The following TRIM67 variants were observed in gnomAD, a reference collection of about 807,000 sequenced individuals.
TRIM67 encodes tripartite motif-containing protein 67.
In TRIM67, 39 loss-of-function variants were observed where a neutral mutation model predicts 71.0. That is an observed-to-expected ratio of 0.55 (90% CI 0.43 to 0.72). The LOEUF is 0.72. TRIM67 is among the 30% of genes least tolerant of loss of function. The probability of loss-of-function intolerance (pLI) is 0.00; values close to 1 mark genes in which losing one functional copy is unlikely to be tolerated. For synonymous variants in TRIM67, 481 were observed against 473.9 expected, an observed-to-expected ratio of 1.01 and a Z score of -0.19; for missense variants, 973 against 1,079.2, an observed-to-expected ratio of 0.90 and a Z score of 1.38.
rs1684024140 is a variant in TRIM67, at chr1:231,216,743, C to T, written c.*1303C>T. 1 of 985,362 alleles carries T rather than the reference C, an allele frequency of 1.0e-6. No individual in the cohort carries two copies. Among genetic ancestry groups the T allele is most frequent in the Non-Finnish European group, 1.2e-6 (1 of 829,966 alleles). 61.0% of individuals were successfully genotyped at this position (985,362 alleles called of 1,614,324 possible). A position where few individuals can be genotyped will look rare whatever the true frequency, so the allele number is the denominator to read the frequency against. On this transcript the variant is annotated 3_prime_UTR_variant, in exon 10 of 10. Coordinates refer to ENST00000366653, the MANE Select transcript of TRIM67 (RefSeq NM_001004342.5). ...CTGCCAGGGCAGGACTCTGGAAACA[C>T]CAGGCTTCTCCCTTGAGATCCACAT...
intron 6 of TRIM67, among the ~76,000 whole-genome samples, chr1:231,205,987 A>C (rs1571899808): frequency 6.6e-6 from 1 of 152,070 alleles, no homozygotes; most frequent in Non-Finnish European, 1.5e-5. Flanking sequence ...CCTCACCAGG[A>C]CCCCATCACG....
At chr1:231,213,046 A>G (rs1436253725) in intron 8 of TRIM67, among the ~76,000 whole-genome samples, 1 of 152,150 alleles carries the variant, frequency 6.6e-6, no homozygotes, top group Non-Finnish European at 1.5e-5. Context: ...AGATGAGCCA[A>G]TGTTGAGTAG....
rs190472002 is a variant in TRIM67, at chr1:231,188,845, T to G, written c.1045-8526T>G. On this transcript the variant is annotated intron_variant, in intron 1 of 9. Transcript: ENST00000366653. The stretch of plus-strand genomic sequence containing the variant: ...GGAAGTCACCAGTTGCTACTGATCC[T>G]GTCCCACCTCAGGAGAGGAGAGGCC... Among the ~76,000 whole-genome samples, 6 of 152,354 alleles carry G rather than the reference T, an allele frequency of 3.9e-5. No individual in the cohort carries two copies. In the East Asian group the frequency reaches 1.2e-3, roughly 29 times the overall value.
At chr1:231,197,562 A>G (rs568983228) in intron 2 of TRIM67, 96 bp downstream of exon 2, 7 of 1,162,274 alleles carry the variant, frequency 6.0e-6, no homozygotes, top group African/African-American at 4.6e-5. Context: ...ACGGTGGCTC[A>G]CACCTGTAAT....
intron 1 of TRIM67, among the ~76,000 whole-genome samples, chr1:231,186,635 T>C (rs1366877985): frequency 1.3e-5 from 2 of 152,132 alleles, no homozygotes; most frequent in Non-Finnish European, 2.9e-5. Context: ...AGGACACCAG[T>C]CCTGCTGGAT....
chr1:231,192,088 C>T (rs572895198), intron 1 of TRIM67, among the ~76,000 whole-genome samples: 15 of 152,188 alleles, frequency 9.9e-5, no homozygotes, highest in Non-Finnish European at 1.9e-4. Flanking sequence ...GCAGGAGGAT[C>T]GCTTGAGGCC....
chr1:231,166,663 A>C (rs895671473), intron 1 of TRIM67, among the ~76,000 whole-genome samples: 2 of 152,234 alleles, frequency 1.3e-5, no homozygotes, highest in African/African-American at 4.8e-5. Flanking sequence ...CCATCATCAA[A>C]GCCTTGCTTT....
rs558749142 is a variant in TRIM67 at position 231,190,704 on chromosome 1, C to T, written c.1045-6667C>T. On this transcript the variant is annotated intron_variant, in intron 1 of 9. Coordinates refer to ENST00000366653, the MANE Select transcript of TRIM67 (RefSeq NM_001004342.5). Reference sequence around the variant, plus strand: ...CCTCATGCTGCATGGAGCAAAGTCTCTGTGGCCTGGATCCTCAGGGCGGGG... The same window carrying T: ...CCTCATGCTGCATGGAGCAAAGTCTTTGTGGCCTGGATCCTCAGGGCGGGG... 6.6e-5 allele frequency among the ~76,000 whole-genome samples: 10 copies of T among 152,314 alleles called. No homozygotes were observed. The South Asian group carries it at 2.1e-3, about 32-fold the overall frequency.
In TRIM67 at chr1:231,203,949, C is replaced by A. The variant is rs199501071; in HGVS notation, c.1617C>A (p.Phe539Leu). The A allele has an allele frequency of 2.5e-6, 4 of 1,614,000 alleles. No homozygotes were observed. The African/African-American group carries it at 5.3e-5, about 21-fold the overall frequency. ...SVTLAWRMPP[F>L]THSPVDGYIL... ...CGCTGGCCTGGAGGATGCCACCCTT[C>A]ACCCACAGCCCCGTGGACGGCTACA... The change falls in exon 6 of 10, where the codon TTC (phenylalanine) becomes TTA (leucine). Residue 539 changes from phenylalanine to leucine, a missense_variant. Around this residue, in one of 2 missense-constraint regions of TRIM67, gnomAD observed 795 missense variants for 831.3 expected, o/e 0.96. Transcript: ENST00000366653.
Position 231,162,855 on chromosome 1 carries a change from T to A in TRIM67, c.-115T>A, listed in dbSNP as rs1682325338. 1 of 1,393,568 alleles carries A rather than the reference T, an allele frequency of 7.2e-7. No homozygotes were observed. The highest frequency in any genetic ancestry group is 9.6e-7 in the Non-Finnish European group (1 of 1,037,578). The allele number at this position is 1,393,568 out of a possible 1,614,324, so 86.3% of individuals were successfully genotyped here. A position where few individuals can be genotyped will look rare whatever the true frequency, so the allele number is the denominator to read the frequency against. On this transcript the variant is annotated 5_prime_UTR_variant, in exon 1 of 10. It removes the in-frame stop codon of an upstream open reading frame in the 5' UTR. Coordinates refer to ENST00000366653, the MANE Select transcript of TRIM67 (RefSeq NM_001004342.5). ...CGGCTGTGAAGTGGGCATGCCCGTG[T>A]GATGCCCCCGCCCGTCGTCTCACCG...
chr1:231,167,047 C>T (rs1406799972), intron 1 of TRIM67, among the ~76,000 whole-genome samples: 2 of 152,166 alleles, frequency 1.3e-5, no homozygotes, highest in African/African-American at 4.8e-5. Context: ...TCAGGGAGAA[C>T]TCTGACCTGC....
chr1:231,177,901 G>A (rs1028498797), intron 1 of TRIM67, among the ~76,000 whole-genome samples: 3 of 152,148 alleles, frequency 2.0e-5, no homozygotes, highest in African/African-American at 7.2e-5. Flanking sequence ...TAAATGAATA[G>A]GACTTAACAC....
chr1:231,215,427 T>C lies in TRIM67; in HGVS notation c.2339T>C (p.Leu780Pro). The C allele has an allele frequency of 6.2e-7, 1 of 1,610,788 alleles. No individual in the cohort carries two copies. The highest frequency in any genetic ancestry group is 8.5e-7 in the Non-Finnish European group (1 of 1,178,140). Reference protein sequence around the residue: ...EVPTNLGRPKLSGN With the variant: ...EVPTNLGRPKPSGN ...CCGACTAACCTGGGGCGGCCAAAGC[T>C]GTCAGGCAATTAGCCCCGCTCCAGC... Residue 780 changes from leucine (L) to proline (P), a missense_variant, in exon 10 of 10, where the codon CTG (leucine) becomes CCG (proline). Physicochemically the swap from Leu to Pro is moderately conservative, Grantham distance 98 (BLOSUM62 -3). Transcript: ENST00000366653.
intron 1 of TRIM67, among the ~76,000 whole-genome samples, chr1:231,176,765 A>G (rs1488291372): frequency 1.3e-5 from 2 of 152,282 alleles, no homozygotes; most frequent in African/African-American, 2.4e-5. Flanking sequence ...ATTTAAGGGG[A>G]CATCTAACTT....
At position 231,163,524 on chromosome 1, in the gene TRIM67, C is replaced by G; in HGVS notation, c.555C>G (p.Ile185Met). 6.6e-7 allele frequency: 1 copy of G among 1,515,666 alleles called. No homozygotes were observed. Among genetic ancestry groups the G allele is most frequent in the African/African-American group, 1.4e-5 (1 of 69,982 alleles). 93.9% of individuals were successfully genotyped at this position (1,515,666 alleles called of 1,614,324 possible). The part of the protein sequence containing the change: ...GFQRNRLLEA[I>M]VQRYQQGRGA... Reference sequence around the variant, plus strand: ...AGCGCAACCGGCTGCTCGAGGCCATCGTGCAGCGGTACCAGCAGGGCCGCG... The same window carrying G: ...AGCGCAACCGGCTGCTCGAGGCCATGGTGCAGCGGTACCAGCAGGGCCGCG... The change falls in exon 1 of 10, where the codon ATC becomes ATG. Residue 185 changes from isoleucine (I) to methionine (M), a missense_variant. Coordinates refer to ENST00000366653, the MANE Select transcript of TRIM67 (RefSeq NM_001004342.5).
rs139950284 is a variant in TRIM67, at chr1:231,170,656, T to C, written c.1044+6643T>C. On this transcript the variant is annotated intron_variant, in intron 1 of 9. Transcript: ENST00000366653. ...TAGATGGGAGGAATCTCTTAATTCC[T>C]GAAACAGACCAGGGAAAGGGTCAGC... Among the ~76,000 whole-genome samples the C allele has an allele frequency of 3.7e-3, 560 of 152,328 alleles. 4 individuals are homozygous for C. Among genetic ancestry groups the C allele is most frequent in the African/African-American group, 0.013 (539 of 41,566 alleles).
Position 231,209,332 on chromosome 1 carries a change from G to C in TRIM67, c.2123+82G>C. ...CCTGAAGACCAGTGTCCCTTCTGCT[G>C]TCCCCAAAGCCAGGAGGAATTGAGA... On this transcript the variant is annotated intron_variant, in intron 8 of 9. Transcript: ENST00000366653. This position sits in a 1 kb window ranked among gnomAD's most constrained non-coding sequence, Gnocchi z 4.1. 1 of 1,405,440 alleles carries C rather than the reference G, an allele frequency of 7.1e-7. No homozygotes were observed. Among genetic ancestry groups the C allele is most frequent in the South Asian group, 1.6e-5 (1 of 63,502 alleles). The allele number at this position is 1,405,440 out of a possible 1,614,324, so 87.1% of individuals were successfully genotyped here. A position where few individuals can be genotyped will look rare whatever the true frequency, so the allele number is the denominator to read the frequency against.
intron 1 of TRIM67, among the ~76,000 whole-genome samples, chr1:231,194,488 C>T (rs1683314348): frequency 6.6e-6 from 1 of 152,080 alleles, no homozygotes; most frequent in Non-Finnish European, 1.5e-5. Context: ...CAAAGCTGGG[C>T]ATGTTCCAGA....
At chr1:231,197,577 AC>A in intron 2 of TRIM67, 111 bp downstream of exon 2, 5 of 956,284 alleles carry the variant, frequency 5.2e-6, no homozygotes, top group Non-Finnish European at 6.4e-6. Context: ...TGTAATCCCA[AC>A]ACTTTGGGAG....
Sources: gnomAD v4.1 joint callset for allele counts (sites outside exome capture counted in the v4.1 genomes callset) on GRCh38, gnomAD v4.1.1 for gene constraint, gnomAD v4.1.1 regional missense constraint, Gnocchi (gnomAD v3.1) non-coding constraint, MANE v1.5 for transcripts, NCBI Gene and HGNC (gene_info 2026-07-23, HGNC 2026-07-21) for gene names.